Variants in DPYSL3 observed in about 807,000 individuals in gnomAD.
The protein encoded by DPYSL3 is dihydropyrimidinase-related protein 3.
Under a neutral mutation model 66.1 loss-of-function variants are expected in DPYSL3, and 16 were observed. The observed-to-expected ratio is 0.24, with a 90% confidence interval of 0.16 to 0.37. The LOEUF (loss-of-function observed/expected upper bound fraction) is 0.37. Among genes scored for constraint, DPYSL3 ranks in the 10% least tolerant of loss-of-function variants. The pLI is 1.00. For synonymous variants in DPYSL3, 338 were observed against 345.1 expected (o/e 0.98, Z 0.23); for missense variants, 738 against 916.2 (o/e 0.81, Z 2.51).
chr5:147,399,057 C>G (rs761773436), intron 11 of DPYSL3, 25 bp downstream of exon 11: 16 of 1,610,722 alleles, frequency 9.9e-6, no homozygotes, highest in Middle Eastern at 1.7e-4. Flanking sequence ...CCATTCTACT[C>G]CACTCCCACC....
At chr5:147,432,296 A>C (rs978620242) in intron 1 of DPYSL3, among the ~76,000 whole-genome samples, 2 of 152,216 alleles carry the variant, frequency 1.3e-5, no homozygotes, top group Admixed American at 6.5e-5. Context: ...GGTAGGAAAA[A>C]CAGCAATGTG....
chr5:147,454,575 C>T lies in DPYSL3; in HGVS notation c.382-29612G>A, dbSNP rs538049077. Among the ~76,000 whole-genome samples the T allele has an allele frequency of 5.6e-4, 86 of 152,336 alleles. 1 individual carries two copies. Among genetic ancestry groups the T allele is most frequent in the African/African-American group, 2.0e-3 (82 of 41,568 alleles). On this transcript the variant is annotated intron_variant, in intron 1 of 13. Transcript: ENST00000343218. The stretch of plus-strand genomic sequence containing the variant: ...TCAAAGAAAGAACATGAATGCTGCT[C>T]TGTGAGTAAAAAGTAGAAAACACCT...
At chr5:147,408,285 C>T (rs1490587550) in intron 7 of DPYSL3, among the ~76,000 whole-genome samples, 1 of 152,154 alleles carries the variant, frequency 6.6e-6, no homozygotes, top group Non-Finnish European at 1.5e-5. Flanking sequence ...CATAAATAAG[C>T]ATTCATTTTA....
At chr5:147,413,362 C>T (rs1285037517) in intron 5 of DPYSL3, among the ~76,000 whole-genome samples, 1 of 152,138 alleles carries the variant, frequency 6.6e-6, no homozygotes, top group Non-Finnish European at 1.5e-5. Flanking sequence ...CTCCTCTTGC[C>T]GTTTAAGAAA....
At chr5:147,470,333 C>T (rs1405585723) in intron 1 of DPYSL3, among the ~76,000 whole-genome samples, 2 of 152,086 alleles carry the variant, frequency 1.3e-5, no homozygotes, top group East Asian at 1.9e-4. Context: ...ACATAGATTC[C>T]GGAAACTTCT....
intron 1 of DPYSL3, among the ~76,000 whole-genome samples, chr5:147,472,024 C>A (rs1753093796): frequency 6.6e-6 from 1 of 152,170 alleles, no homozygotes; most frequent in South Asian, 2.1e-4. Context: ...GAGAGCAATT[C>A]TGTGAGACCA....
chr5:147,441,548 T>A (rs60143453), intron 1 of DPYSL3, among the ~76,000 whole-genome samples: 111 of 152,280 alleles, frequency 7.3e-4, no homozygotes, highest in African/African-American at 2.3e-3. Context: ...GTAGGGGACA[T>A]AATTCACTCT....
intron 1 of DPYSL3, among the ~76,000 whole-genome samples, chr5:147,434,380 G>T (rs901320129): frequency 6.6e-6 from 1 of 152,134 alleles, no homozygotes. Flanking sequence ...CACGTGCCAT[G>T]GGTGGAAGCT....
intron 1 of DPYSL3, chr5:147,453,775 T>C (rs1227704399): frequency 1.6e-6 from 2 of 1,279,918 alleles, no homozygotes; most frequent in Admixed American, 4.2e-5. Flanking sequence ...CAATAGTAAA[T>C]CTCCCCGGTC....
At chr5:147,437,486 C>T (rs572764414) in intron 1 of DPYSL3, among the ~76,000 whole-genome samples, 10 of 152,216 alleles carry the variant, frequency 6.6e-5, no homozygotes, top group African/African-American at 2.4e-4. Context: ...GTCATAAGCA[C>T]ACAACCACTG....
chr5:147,406,002 T>A (rs1758317513), intron 7 of DPYSL3: 3 of 274,604 alleles, frequency 1.1e-5, no homozygotes, highest in Admixed American at 4.8e-5. Context: ...GGGTAAGTAC[T>A]TTTTCCTTAG....
chr5:147,431,047 A>T (rs10064194), intron 1 of DPYSL3, among the ~76,000 whole-genome samples: 1 of 152,022 alleles, frequency 6.6e-6, no homozygotes, highest in African/African-American at 2.4e-5. Flanking sequence ...TAAAATCCAG[A>T]TGAAGGTGCA....
chr5:147,455,618 A>G (rs1016853810), intron 1 of DPYSL3, among the ~76,000 whole-genome samples: 7 of 152,158 alleles, frequency 4.6e-5, no homozygotes, highest in Non-Finnish European at 1.0e-4. Context: ...GTAAAAGGAG[A>G]ATTAACTACA....
At chr5:147,443,060 G>A (rs763149047) in intron 1 of DPYSL3, among the ~76,000 whole-genome samples, 14 of 152,174 alleles carry the variant, frequency 9.2e-5, no homozygotes, top group Non-Finnish European at 1.3e-4. Context: ...CTAATTAGGT[G>A]GGTACCACTT....
chr5:147,433,291 G>C (rs191407131), intron 1 of DPYSL3, among the ~76,000 whole-genome samples: 1 of 152,138 alleles, frequency 6.6e-6, no homozygotes, highest in Non-Finnish European at 1.5e-5. Context: ...CCATGCTCTG[G>C]GTCCGAAGCT....
intron 1 of DPYSL3, among the ~76,000 whole-genome samples, chr5:147,506,522 T>G (rs1344190608): frequency 6.6e-6 from 1 of 152,060 alleles, no homozygotes; most frequent in Non-Finnish European, 1.5e-5. Flanking sequence ...GAGAAAAATA[T>G]TTACAAAATA....
intron 11 of DPYSL3, 114 bp downstream of exon 11, chr5:147,398,968 T>C (rs1257063564): frequency 6.4e-6 from 9 of 1,397,514 alleles, no homozygotes; most frequent in Middle Eastern, 2.6e-4. Flanking sequence ...TGGATTATTA[T>C]TGCAACCCGT....
Position 147,509,613 on chromosome 5 carries a change from C to T in DPYSL3, c.246G>A (p.Glu82=). 1 of 1,535,614 alleles carries T rather than the reference C, an allele frequency of 6.5e-7. No homozygotes were observed. The highest frequency in any genetic ancestry group is 8.7e-7 in the Non-Finnish European group (1 of 1,146,664). The change falls in exon 1 of 14, where the codon GAG becomes GAA. Residue 82 remains glutamate, a synonymous_variant. Transcript: ENST00000343218. This position sits in a 1 kb window ranked among gnomAD's most constrained non-coding sequence, Gnocchi z 5.3. ...CTTGGCCCCTGCGCGGGGTGTCCCC[C>T]TCGATCCCGGGCCGACTCCCCGATC... ...DRGSGSRPGI[E]GDTPRRGQGR...
intron 1 of DPYSL3, among the ~76,000 whole-genome samples, chr5:147,432,324 G>A (rs1336055423): frequency 1.3e-5 from 2 of 152,186 alleles, no homozygotes; most frequent in Non-Finnish European, 2.9e-5. Flanking sequence ...CAGTAGCCCA[G>A]GGCAGCATTA....
Sources: gnomAD v4.1 joint callset for allele counts (sites outside exome capture counted in the v4.1 genomes callset) on GRCh38, gnomAD v4.1.1 for gene constraint, Gnocchi (gnomAD v3.1) non-coding constraint, MANE v1.5 for transcripts, NCBI Gene and HGNC (gene_info 2026-07-23, HGNC 2026-07-21) for gene names.